The following EPS15L1 variants were observed in gnomAD, a reference collection of about 807,000 sequenced individuals.
The protein encoded by EPS15L1 is epidermal growth factor receptor pathway substrate 15 like 1.
Under a neutral mutation model 117.1 loss-of-function variants are expected in EPS15L1, and 43 were observed. The ratio of observed to expected loss-of-function variants is 0.37; its 90% CI spans 0.29 to 0.47. The LOEUF is 0.47. Among genes scored for constraint, EPS15L1 ranks in the 20% least tolerant of loss-of-function variants. The pLI is 0.99. For synonymous variants in EPS15L1, 459 were observed against 470.5 expected (o/e 0.98, Z 0.32); for missense variants, 981 against 1,164.0 (o/e 0.84, Z 2.29).
intron 22 of EPS15L1, among the ~76,000 whole-genome samples, chr19:16,375,700 C>T (rs2092286808): frequency 6.6e-6 from 1 of 152,228 alleles, no homozygotes; most frequent in African/African-American, 2.4e-5. Flanking sequence ...CTTTACGCAT[C>T]TGTATCTGCT....
intron 10 of EPS15L1, among the ~76,000 whole-genome samples, chr19:16,420,354 G>A (rs957889008): frequency 6.6e-5 from 10 of 152,200 alleles, no homozygotes; most frequent in Middle Eastern, 3.2e-3. Flanking sequence ...GTGTCAGGGC[G>A]CTAACCAGGA....
rs796479020 is a variant in EPS15L1, at chr19:16,462,359, C to T, written c.33+9554G>A. Among the ~76,000 whole-genome samples the T allele has an allele frequency of 2.6e-5, 4 of 152,246 alleles. 1 individual carries two copies. The highest frequency in any genetic ancestry group is 9.6e-5 in the African/African-American group (4 of 41,544). ...CCACCTGTTCTGGGAGACCAGGTTACCAGAATCAGGGAAGTGGGGGGGAGG... is the reference window on the plus strand; with the variant it reads ...CCACCTGTTCTGGGAGACCAGGTTATCAGAATCAGGGAAGTGGGGGGGAGG... On this transcript the variant is annotated intron_variant, in intron 1 of 23. Coordinates refer to ENST00000455140, the MANE Select transcript of EPS15L1 (RefSeq NM_001258374.3).
chr19:16,381,257 A>G lies in EPS15L1; in HGVS notation c.2247+3872T>C, dbSNP rs1279764483. On this transcript the variant is annotated intron_variant, in intron 21 of 23. Transcript: ENST00000455140. This position sits in a 1 kb window ranked among gnomAD's most constrained non-coding sequence, Gnocchi z 4.2. Reference sequence around the variant, plus strand: ...GCCTTACACACAAGGAAACTGAGGCACACAAAGGAGGCGCAGCCTGCCCAC... The same window carrying G: ...GCCTTACACACAAGGAAACTGAGGCGCACAAAGGAGGCGCAGCCTGCCCAC... Among the ~76,000 whole-genome samples, 3 of 152,380 alleles carry G rather than the reference A, an allele frequency of 2.0e-5. No homozygotes were observed. The East Asian group carries it at 5.8e-4, about 29-fold the overall frequency.
chr19:16,465,959 G>A (rs933925810), intron 1 of EPS15L1, among the ~76,000 whole-genome samples: 5 of 151,286 alleles, frequency 3.3e-5, no homozygotes, highest in African/African-American at 7.3e-5. Context: ...GGCAAGGGAC[G>A]TAACAATCTC....
At position 16,434,477 on chromosome 19, in the gene EPS15L1, G is replaced by A. The variant is rs1292732832; in HGVS notation, c.386C>T (p.Ala129Val). 1.9e-6 allele frequency: 3 copies of A among 1,613,910 alleles called. No individual in the cohort carries two copies. Among genetic ancestry groups the A allele is most frequent in the Non-Finnish European group, 2.5e-6 (3 of 1,179,932 alleles). ...GCTTTCAAAAATCCCATCAAATTTGGCCTTTTCTTCCACCTAGTTGGAAAG... is the reference window on the plus strand; with the variant it reads ...GCTTTCAAAAATCCCATCAAATTTGACCTTTTCTTCCACCTAGTTGGAAAG... ...AHWAVRVEEK[A>V]KFDGIFESLL... is the part of the protein sequence containing the mutation. The change falls in exon 7 of 24, where the codon GCC becomes GTC. Residue 129 changes from alanine (A) to valine (V), a missense_variant. Around this residue, in one of 5 missense-constraint regions of EPS15L1, gnomAD observed 52 missense variants for 53.1 expected, o/e 0.98. Transcript: ENST00000455140.
intron 4 of EPS15L1, among the ~76,000 whole-genome samples, chr19:16,439,074 GTTTT>G (rs755051356): frequency 1.7e-5 from 2 of 115,320 alleles, no homozygotes; most frequent in African/African-American, 2.9e-5. Flanking sequence ...TTTTTTTTCT[GTTTT>G]TTTTTTTTTT....
intron 22 of EPS15L1, among the ~76,000 whole-genome samples, chr19:16,369,981 A>G (rs565898862): frequency 6.6e-6 from 1 of 152,242 alleles, no homozygotes; most frequent in East Asian, 1.9e-4. Context: ...CTCCCTACGG[A>G]GTGTGCCAAT....
At chr19:16,402,041 A>G in intron 16 of EPS15L1, 1 of 1,183,432 alleles carries the variant, frequency 8.4e-7, no homozygotes, top group East Asian at 4.1e-5. Context: ...GGTTGGCCCA[A>G]TGTAAATACT....
chr19:16,421,233 G>T, intron 10 of EPS15L1, 86 bp downstream of exon 10: 2 of 1,438,734 alleles, frequency 1.4e-6, no homozygotes, highest in Non-Finnish European at 9.4e-7. Flanking sequence ...GCTGGAGGGG[G>T]CCCCCTGACC....
chr19:16,451,214 G>T (rs180687187), intron 1 of EPS15L1, among the ~76,000 whole-genome samples: 1 of 152,078 alleles, frequency 6.6e-6, no homozygotes, highest in Non-Finnish European at 1.5e-5. Context: ...GCCTCCCAAA[G>T]TGCTGGGATT....
intron 11 of EPS15L1, 96 bp from the exon 12 acceptor site, chr19:16,417,733 C>CTAA: frequency 8.2e-7 from 1 of 1,219,674 alleles, no homozygotes; most frequent in South Asian, 1.3e-5. Context: ...TAAAATTGTC[C>CTAA]CTTTAGTACA....
chr19:16,423,206 A>G (rs1351619651), intron 9 of EPS15L1, among the ~76,000 whole-genome samples: 1 of 152,196 alleles, frequency 6.6e-6, no homozygotes, highest in Non-Finnish European at 1.5e-5. Context: ...AGCTTAGTTC[A>G]GGGGTTTCAC....
intron 21 of EPS15L1, 152 bp downstream of exon 21, chr19:16,384,977 C>T: frequency 1.4e-6 from 1 of 708,080 alleles, no homozygotes. Context: ...CATTGGATCA[C>T]AGCCATGGAT....
chr19:16,438,633 G>A (rs947666618), intron 4 of EPS15L1, among the ~76,000 whole-genome samples: 17 of 152,146 alleles, frequency 1.1e-4, no homozygotes, highest in Non-Finnish European at 1.9e-4. Context: ...GGGCTCAAGC[G>A]ATCCTCCTGC....
chr19:16,361,707 G>C, intron 23 of EPS15L1, 72 bp downstream of exon 23: 1 of 1,515,742 alleles, frequency 6.6e-7, no homozygotes, highest in East Asian at 2.4e-5. Context: ...GCCTTTAAAA[G>C]GAGACAAAAA....
chr19:16,447,149 G>A (rs779279263), intron 1 of EPS15L1, among the ~76,000 whole-genome samples: 4 of 152,110 alleles, frequency 2.6e-5, no homozygotes, highest in Non-Finnish European at 4.4e-5. Flanking sequence ...AGATAACCTG[G>A]CTCAGTCATG....
intron 1 of EPS15L1, among the ~76,000 whole-genome samples, chr19:16,457,219 T>G (rs558235181): frequency 3.7e-4 from 57 of 152,282 alleles, no homozygotes; most frequent in Non-Finnish European, 7.4e-4. Context: ...GAAATCTAAT[T>G]GCCATTCTAG....
At chr19:16,435,706 T>G (rs1322116656) in intron 6 of EPS15L1, among the ~76,000 whole-genome samples, 1 of 151,924 alleles carries the variant, frequency 6.6e-6, no homozygotes, top group East Asian at 1.9e-4. Flanking sequence ...CTCAGTGCCT[T>G]CAGAAGCCCA....
chr19:16,419,835 T>G (rs973438891), intron 10 of EPS15L1, among the ~76,000 whole-genome samples: 11 of 152,330 alleles, frequency 7.2e-5, no homozygotes, highest in African/African-American at 9.6e-5. Flanking sequence ...GGCCCCAGCC[T>G]GCTCGTGGGC....
Sources: allele counts gnomAD v4.1 joint callset (sites outside exome capture counted in the v4.1 genomes callset), GRCh38; gene constraint gnomAD v4.1.1; regional missense constraint gnomAD v4.1.1; non-coding constraint Gnocchi (gnomAD v3.1); transcripts MANE v1.5; gene names NCBI Gene and HGNC (gene_info 2026-07-23, HGNC 2026-07-21).